HMGCLL1: variants seen among roughly 807,000 people sequenced by gnomAD.
HMGCLL1 encodes 3-hydroxymethyl-3-methylglutaryl-CoA lyase, cytoplasmic.
Under a neutral mutation model 39.1 loss-of-function variants are expected in HMGCLL1, and 36 were observed. The observed-to-expected ratio is 0.92, with a 90% CI of 0.71 to 1.22. The LOEUF (loss-of-function observed/expected upper bound fraction) is 1.22. HMGCLL1 is among the 50% of genes most tolerant of loss of function. The pLI is 0.00. For missense variants in HMGCLL1, 451 were observed against 416.5 expected, an observed-to-expected ratio of 1.08 and a Z score of -0.72; for synonymous variants, 149 against 144.0, an observed-to-expected ratio of 1.03 and a Z score of -0.25.
intron 7 of HMGCLL1, among the ~76,000 whole-genome samples, chr6:55,475,904 T>C (rs1418403721): frequency 1.3e-5 from 2 of 151,704 alleles, no homozygotes; most frequent in South Asian, 2.1e-4. Context: ...TGACTGTATA[T>C]GTCTGAATTT....
At chr6:55,539,192 A>T (rs1769201458) in intron 3 of HMGCLL1, among the ~76,000 whole-genome samples, 1 of 152,148 alleles carries the variant, frequency 6.6e-6, no homozygotes, top group Non-Finnish European at 1.5e-5. Context: ...AGAAGGAAAA[A>T]ACGTGGCCAG....
At chr6:55,667,517 CG>C in the HMGCLL1 span, among the ~76,000 whole-genome samples, 1 of 151,644 alleles carries the variant, frequency 6.6e-6, no homozygotes, top group African/African-American at 2.4e-5. Flanking sequence ...TGACAAGAAA[CG>C]GTACAAAGGA....
chr6:55,514,261 T>A, intron 4 of HMGCLL1, 65 bp from the exon 5 acceptor site: 1 of 1,293,046 alleles, frequency 7.7e-7, no homozygotes, highest in Admixed American at 2.2e-5. Flanking sequence ...AGTGGTAGAA[T>A]AAAGATTAAC....
At chr6:55,454,652 G>A (rs1764245942) in intron 7 of HMGCLL1, among the ~76,000 whole-genome samples, 1 of 152,156 alleles carries the variant, frequency 6.6e-6, no homozygotes, top group East Asian at 1.9e-4. Context: ...GGGCCGAATA[G>A]TCATATCTCC....
At chr6:55,637,734 GTGTGTA>G in the HMGCLL1 span, among the ~76,000 whole-genome samples, 12 of 151,058 alleles carry the variant, frequency 7.9e-5, no homozygotes, top group Non-Finnish European at 1.5e-4. Flanking sequence ...GTGTGTGTGT[GTGTGTA>G]TGTGTCTGTG....
intron 7 of HMGCLL1, among the ~76,000 whole-genome samples, chr6:55,448,395 G>T (rs1201927837): frequency 1.3e-5 from 2 of 150,598 alleles, no homozygotes; most frequent in African/African-American, 2.4e-5. Context: ...ATGAATAGGA[G>T]AAAATGGAAG....
rs75334578 is a variant in HMGCLL1, at chr6:55,492,047, A to G, written c.795+3372T>C. Among the ~76,000 whole-genome samples, 57 of 152,216 alleles carry G rather than the reference A, an allele frequency of 3.7e-4. 2 individuals carry two copies. The highest frequency in any genetic ancestry group is 1.3e-3 in the African/African-American group (56 of 41,530). ...CATTTATAACTTTCATTTGTTTCCT[A>G]TCATTGTGGCTAAGTTTCCACTTAT... On this transcript the variant is annotated intron_variant, in intron 7 of 8. Coordinates refer to ENST00000274901, the MANE Select transcript of HMGCLL1 (RefSeq NM_001042406.2).
rs1280636111 is a variant in HMGCLL1, at chr6:55,543,212, ATAT to A, written c.109-1075_109-1073del. Among the ~76,000 whole-genome samples, 3 of 15,766 alleles carry A rather than the reference ATAT, an allele frequency of 1.9e-4. 1 individual carries two copies. Among genetic ancestry groups the A allele is most frequent in the Non-Finnish European group, 2.4e-4 (2 of 8,240 alleles). The allele number at this position is 15,766 out of a possible 152,430, so 10.3% of individuals were successfully genotyped here. On this transcript the variant is annotated intron_variant, in intron 1 of 8. Coordinates refer to ENST00000274901, the MANE Select transcript of HMGCLL1 (RefSeq NM_001042406.2). ...TAATATATTATATATTATATATTAT[ATAT>A]TATATAATATATAATATAGATATAA...
chr6:55,528,157 C>T (rs7743010), intron 3 of HMGCLL1, among the ~76,000 whole-genome samples: 6 of 151,592 alleles, frequency 4.0e-5, no homozygotes, highest in African/African-American at 9.7e-5. Flanking sequence ...TCAAAATGAG[C>T]GGATAATGTC....
intron 1 of HMGCLL1, among the ~76,000 whole-genome samples, chr6:55,565,373 T>G (rs796922936): frequency 2.2e-4 from 33 of 152,260 alleles, no homozygotes; most frequent in African/African-American, 7.7e-4. Flanking sequence ...AAAGAGGAGT[T>G]AGTATTATTC....
chr6:55,503,537 A>G lies in HMGCLL1; in HGVS notation c.543-4238T>C, dbSNP rs145594601. ...AAAGTTATAAAATTTCTGTGTGTGT[A>G]ATGAGAATGAAAAAGGGGGGTCTAT... On this transcript the variant is annotated intron_variant, in intron 5 of 8. Transcript: ENST00000274901. Among the ~76,000 whole-genome samples, 162 of 94,326 alleles carry G rather than the reference A, an allele frequency of 1.7e-3. 1 individual carries two copies. The highest frequency in any genetic ancestry group is 2.9e-3 in the African/African-American group (77 of 26,328). The allele number at this position is 94,326 out of a possible 152,430, so 61.9% of individuals were successfully genotyped here. A position where few individuals can be genotyped will look rare whatever the true frequency, so the allele number is the denominator to read the frequency against.
At chr6:55,520,215 C>T (rs1191991960) in intron 3 of HMGCLL1, among the ~76,000 whole-genome samples, 4 of 148,684 alleles carry the variant, frequency 2.7e-5, no homozygotes, top group Non-Finnish European at 5.9e-5. Context: ...ACTGCATATT[C>T]TGCACATGTA....
In HMGCLL1 at chr6:55,486,735, A is replaced by T. The variant is rs1275327926; in HGVS notation, c.795+8684T>A. 3.3e-5 allele frequency among the ~76,000 whole-genome samples: 5 copies of T among 152,016 alleles called. No homozygotes were observed. The East Asian group carries it at 9.7e-4, about 29-fold the overall frequency. On this transcript the variant is annotated intron_variant, in intron 7 of 8. Coordinates refer to ENST00000274901, the MANE Select transcript of HMGCLL1 (RefSeq NM_001042406.2). Reference sequence around the variant, plus strand: ...CTCTCTCATATGATTCTTCCACCTTATCTCCCCCCTTGTCAGTTTGGGCTG... The same window carrying T: ...CTCTCTCATATGATTCTTCCACCTTTTCTCCCCCCTTGTCAGTTTGGGCTG...
chr6:55,614,890 C>G, the HMGCLL1 span, among the ~76,000 whole-genome samples: 2 of 151,996 alleles, frequency 1.3e-5, no homozygotes, highest in African/African-American at 4.8e-5. Flanking sequence ...TGCAGAGCCT[C>G]ATAGCACTTT....
intron 8 of HMGCLL1, among the ~76,000 whole-genome samples, chr6:55,437,691 C>T (rs1374617812): frequency 6.6e-5 from 10 of 152,026 alleles, no homozygotes; most frequent in African/African-American, 2.4e-4. Context: ...CTGATCCTTG[C>T]TCAAGCAGAC....
At chr6:55,623,508 T>C in the HMGCLL1 span, among the ~76,000 whole-genome samples, 1 of 151,734 alleles carries the variant, frequency 6.6e-6, no homozygotes. Context: ...TTGACATCAG[T>C]CTTGCAAGAG....
the HMGCLL1 span, among the ~76,000 whole-genome samples, chr6:55,598,933 A>T: frequency 0.097 from 14,750 of 152,240 alleles, 1,055 homozygotes; most frequent in East Asian, 0.3. Flanking sequence ...AAATGCAGCC[A>T]TAAAAAAGGA....
At chr6:55,584,030 A>G (rs1027254631), upstream of HMGCLL1, among the ~76,000 whole-genome samples, 8 of 152,024 alleles carry the variant, frequency 5.3e-5, no homozygotes, top group African/African-American at 1.4e-4. Flanking sequence ...CCATACTTAC[A>G]TGGCCATTTG....
the HMGCLL1 span, among the ~76,000 whole-genome samples, chr6:55,634,031 G>A: frequency 6.6e-6 from 1 of 151,146 alleles, no homozygotes; most frequent in Non-Finnish European, 1.5e-5. Context: ...TATTTTTATG[G>A]TCTATAATTT....
Sources: gnomAD v4.1 joint callset for allele counts (sites outside exome capture counted in the v4.1 genomes callset) on GRCh38, gnomAD v4.1.1 for gene constraint, MANE v1.5 for transcripts, NCBI Gene and HGNC (gene_info 2026-07-23, HGNC 2026-07-21) for gene names.